SCHIP1: variants seen among roughly 807,000 people sequenced by gnomAD.
SCHIP1 encodes schwannomin interacting protein 1, also known as schwannomin-interacting protein 1.
In SCHIP1, 8 loss-of-function variants were observed where a neutral mutation model predicts 29.7. That is an observed-to-expected ratio of 0.27 (90% CI 0.16 to 0.49). SCHIP1 has a LOEUF of 0.49. Among genes scored for constraint, SCHIP1 ranks in the 20% least tolerant of loss-of-function variants. The probability of loss-of-function intolerance (pLI) is 0.99; values close to 1 mark genes in which losing one functional copy is unlikely to be tolerated. For synonymous variants in SCHIP1, 76 were observed against 94.9 expected, an observed-to-expected ratio of 0.80 and a Z score of 1.16; for missense variants, 193 against 294.6, an observed-to-expected ratio of 0.66 and a Z score of 2.52.
chr3:159,587,833 G>A, the SCHIP1 span, among the ~76,000 whole-genome samples: 2 of 152,170 alleles, frequency 1.3e-5, no homozygotes, highest in Non-Finnish European at 2.9e-5. Flanking sequence ...ATTCCATGGT[G>A]TATATGTGCC....
the SCHIP1 span, among the ~76,000 whole-genome samples, chr3:159,370,547 G>C: frequency 6.6e-6 from 1 of 152,204 alleles, no homozygotes; most frequent in Admixed American, 6.5e-5. Context: ...AACATTGTTT[G>C]TGGTTGAGTC....
the SCHIP1 span, among the ~76,000 whole-genome samples, chr3:159,529,103 C>A: frequency 6.6e-6 from 1 of 152,028 alleles, no homozygotes; most frequent in South Asian, 2.1e-4. Context: ...TATATATATA[C>A]ATTTCTGCAG....
At chr3:159,865,432 A>T (rs141388126) in intron 1 of SCHIP1, among the ~76,000 whole-genome samples, 2 of 152,332 alleles carry the variant, frequency 1.3e-5, no homozygotes, top group East Asian at 3.9e-4. Flanking sequence ...ACAGTAGTGT[A>T]GTTTACCAAA....
chr3:159,508,798 T>C, the SCHIP1 span, among the ~76,000 whole-genome samples: 6 of 152,360 alleles, frequency 3.9e-5, no homozygotes, highest in African/African-American at 1.4e-4. Context: ...TTCTTAATCC[T>C]GAGTTCTAGT....
the SCHIP1 span, among the ~76,000 whole-genome samples, chr3:159,454,690 AC>A: frequency 6.6e-6 from 1 of 152,188 alleles, no homozygotes; most frequent in Non-Finnish European, 1.5e-5. Flanking sequence ...ACAAATTTAT[AC>A]CAACTCTGGG....
At chr3:159,423,600 T>A in the SCHIP1 span, among the ~76,000 whole-genome samples, 2 of 152,214 alleles carry the variant, frequency 1.3e-5, no homozygotes, top group African/African-American at 2.4e-5. Context: ...GAGGCCTGCC[T>A]GCCTCTGTAG....
the SCHIP1 span, among the ~76,000 whole-genome samples, chr3:159,373,116 C>G: frequency 6.6e-6 from 1 of 151,670 alleles, no homozygotes; most frequent in African/African-American, 2.4e-5. Flanking sequence ...CAGAAACATA[C>G]CTTATTTTGA....
the SCHIP1 span, among the ~76,000 whole-genome samples, chr3:159,418,446 T>G: frequency 2.0e-5 from 3 of 152,260 alleles, no homozygotes; most frequent in Non-Finnish European, 2.9e-5. Flanking sequence ...CTAAACTGTC[T>G]GTGCAGGTCA....
the SCHIP1 span, among the ~76,000 whole-genome samples, chr3:159,349,732 C>T: frequency 6.6e-6 from 1 of 152,110 alleles, no homozygotes; most frequent in Non-Finnish European, 1.5e-5. Flanking sequence ...GATGGTATCT[C>T]GGTTCATCAC....
At chr3:159,873,741 A>AT (rs1372816249) in intron 2 of SCHIP1, among the ~76,000 whole-genome samples, 2 of 152,184 alleles carry the variant, frequency 1.3e-5, no homozygotes. Flanking sequence ...AACCTTTGTC[A>AT]TTTTTTCTAT....
At chr3:159,469,921 T>C in the SCHIP1 span, among the ~76,000 whole-genome samples, 2 of 152,116 alleles carry the variant, frequency 1.3e-5, no homozygotes, top group African/African-American at 4.8e-5. Flanking sequence ...CCATGAGAAT[T>C]CAACAATGTT....
At chr3:159,832,614 A>G in the SCHIP1 span, among the ~76,000 whole-genome samples, 1 of 152,110 alleles carries the variant, frequency 6.6e-6, no homozygotes, top group African/African-American at 2.4e-5. Flanking sequence ...GTGACTTCCT[A>G]ATAGTCCAAA....
At chr3:159,638,476 A>G in the SCHIP1 span, among the ~76,000 whole-genome samples, 1 of 152,200 alleles carries the variant, frequency 6.6e-6, no homozygotes, top group Non-Finnish European at 1.5e-5. Flanking sequence ...GTTTTCACCT[A>G]GCAAGGGCTG....
chr3:159,709,088 T>C, the SCHIP1 span, among the ~76,000 whole-genome samples: 2 of 151,604 alleles, frequency 1.3e-5, no homozygotes, highest in Non-Finnish European at 2.9e-5. Flanking sequence ...GGAAGGGTGC[T>C]GGTAAGTGTA....
At chr3:159,336,382 C>A in the SCHIP1 span, among the ~76,000 whole-genome samples, 1 of 152,050 alleles carries the variant, frequency 6.6e-6, no homozygotes, top group Admixed American at 6.6e-5. Context: ...GCTTTTGTTG[C>A]CATTTGTTTT....
chr3:159,336,604 A>C, the SCHIP1 span, among the ~76,000 whole-genome samples: 1 of 152,018 alleles, frequency 6.6e-6, no homozygotes, highest in East Asian at 1.9e-4. Context: ...ATAGGGAATC[A>C]TTTCCCCATT....
rs938032465 is a variant in SCHIP1 at position 159,861,878 on chromosome 3, T to G, written c.31-4285T>G. ...CTGTACCCTTGTCTGTTTCTCACCC[T>G]GGAGCGTATTGGGCTTGGCTGGATT... On this transcript the variant is annotated intron_variant, in intron 1 of 6. Transcript: ENST00000445224. The surrounding 1 kb of genome is among the most constrained non-coding windows in gnomAD (Gnocchi z 4.1). 6.6e-6 allele frequency among the ~76,000 whole-genome samples: 1 copy of G among 152,184 alleles called. No individual in the cohort carries two copies. The highest frequency in any genetic ancestry group is 2.4e-5 in the African/African-American group (1 of 41,454).
the SCHIP1 span, among the ~76,000 whole-genome samples, chr3:159,528,723 C>T: frequency 6.6e-6 from 1 of 152,216 alleles, no homozygotes; most frequent in South Asian, 2.1e-4. Context: ...GGGCAGCTGC[C>T]TGCATCCCCG....
chr3:159,886,279 T>C lies in SCHIP1; in HGVS notation c.222T>C (p.Asp74=), dbSNP rs748290762. 117 of 1,614,070 alleles carry C rather than the reference T, an allele frequency of 7.2e-5. No individual in the cohort carries two copies. The Admixed American group carries it at 1.9e-3, about 27-fold the overall frequency. ...GCAGTGATAAGGACAGTGATGCTGA[T>C]GACAGTAAGACTGAAACCAGCTTGG... is the stretch of plus-strand genomic sequence containing the variant. The change falls in exon 3 of 7, where the codon GAT becomes GAC. Residue 74 remains aspartate (D), a synonymous_variant. Coordinates refer to ENST00000445224, the Ensembl canonical transcript of SCHIP1.
Sources: gnomAD v4.1 joint callset for allele counts (sites outside exome capture counted in the v4.1 genomes callset) on GRCh38, gnomAD v4.1.1 for gene constraint, Gnocchi (gnomAD v3.1) non-coding constraint, MANE v1.5 for transcripts, NCBI Gene and HGNC (gene_info 2026-07-23, HGNC 2026-07-21) for gene names.